Variants in NCAPH observed in about 807,000 individuals in gnomAD.
NCAPH encodes the protein condensin complex subunit 2.
NCAPH carries 38 observed loss-of-function variants against 85.5 expected under a neutral mutation model. That is an observed-to-expected ratio of 0.44 (90% CI 0.34 to 0.58). The LOEUF (loss-of-function observed/expected upper bound fraction) is 0.58, where lower values mean the gene tolerates loss of function less well. Ranked by LOEUF, NCAPH falls within the 20% of genes least tolerant of loss-of-function variation. NCAPH has a pLI of 0.01. For synonymous variants in NCAPH, 301 were observed against 335.1 expected, an observed-to-expected ratio of 0.90 and a Z score of 1.11; for missense variants, 789 against 916.6, an observed-to-expected ratio of 0.86 and a Z score of 1.80.
rs1039937361 is a variant in NCAPH at position 96,359,143 on chromosome 2, T to C, written c.1307T>C (p.Met436Thr). ...GEYSYFSPRT[M>T]SMWAGPDHWR... ...TATTCTTATTTCAGTCCTCGGACCA[T>C]GTCGATGTGGGCTGGCCCGGATCAC... Residue 436 changes from methionine to threonine, a missense_variant, in exon 10 of 18, where the codon ATG becomes ACG. Transcript: ENST00000240423. 5.0e-6 allele frequency: 8 copies of C among 1,614,234 alleles called. No homozygotes were observed. Among genetic ancestry groups the C allele is most frequent in the African/African-American group, 1.3e-5 (1 of 75,044 alleles).
At position 96,343,187 on chromosome 2, in the gene NCAPH, G is replaced by T. The variant is rs1466309018; in HGVS notation, c.478G>T (p.Ala160Ser). 6.2e-7 allele frequency: 1 copy of T among 1,614,018 alleles called. No homozygotes were observed. The highest frequency in any genetic ancestry group is 1.3e-5 in the African/African-American group (1 of 74,896). Residue 160 changes from alanine (A) to serine (S), a missense_variant, in exon 5 of 18, where the codon GCC (alanine) becomes TCC (serine). Transcript: ENST00000240423. ...CTAGGTGGCTGCGGGTACTCTGGAT[G>T]CCAGCACCAAGATCTATGCTGTGCG... The part of the protein sequence containing the change: ...NFKVAAGTLD[A>S]STKIYAVRVD...
In NCAPH at chr2:96,353,319, G is replaced by A. The variant is rs1298766684; in HGVS notation, c.924G>A (p.Gln308=). ...EMTDLKAPLQ[Q]CAEDRQICPS... ...TATCCTCTCCAGCGCCCTTGCAGCAGTGTGCAGAAGATCGCCAGATCTGCC... is the reference window on the plus strand; with the variant it reads ...TATCCTCTCCAGCGCCCTTGCAGCAATGTGCAGAAGATCGCCAGATCTGCC... Residue 308 remains glutamine (Q), a synonymous_variant, in exon 8 of 18, where the codon CAG becomes CAA. Coordinates refer to ENST00000240423, the MANE Select transcript of NCAPH (RefSeq NM_015341.5). The A allele has an allele frequency of 1.9e-6, 3 of 1,614,090 alleles. No homozygotes were observed. The highest frequency in any genetic ancestry group is 1.1e-5 in the South Asian group (1 of 91,088).
In NCAPH at chr2:96,344,191, A is replaced by G. The variant is rs1176495738; in HGVS notation, c.682A>G (p.Asn228Asp). Residue 228 changes from asparagine to aspartate, a missense_variant, in exon 6 of 18, where the codon AAC becomes GAC. Transcript: ENST00000240423. ...HLHRTIEQNI[N>D]NLNVSEADRK... ...ACACAGAACTATTGAGCAGAACATAAACAACCTCAATGTCTCCGAAGCAGA... is the reference window on the plus strand; with the variant it reads ...ACACAGAACTATTGAGCAGAACATAGACAACCTCAATGTCTCCGAAGCAGA... 1.2e-6 allele frequency: 2 copies of G among 1,613,376 alleles called. No individual in the cohort carries two copies. Among genetic ancestry groups the G allele is most frequent in the Non-Finnish European group, 1.7e-6 (2 of 1,179,830 alleles).
At chr2:96,336,480 G>A (rs1349490583) in intron 1 of NCAPH, among the ~76,000 whole-genome samples, 2 of 152,168 alleles carry the variant, frequency 1.3e-5, no homozygotes, top group African/African-American at 4.8e-5. Context: ...CAGGCAGAAG[G>A]AGCAAGTACA....
At chr2:96,351,042 T>C (rs957292579) in intron 6 of NCAPH, among the ~76,000 whole-genome samples, 2 of 152,192 alleles carry the variant, frequency 1.3e-5, no homozygotes, top group African/African-American at 4.8e-5. Context: ...TTAAAACCTC[T>C]CTCAGGTTTC....
In NCAPH at chr2:96,353,333, G is replaced by A. The variant is rs1234067325; in HGVS notation, c.938G>A (p.Arg313His). The A allele has an allele frequency of 3.7e-6, 6 of 1,614,156 alleles. No individual in the cohort carries two copies. The highest frequency in any genetic ancestry group is 2.2e-5 in the East Asian group (1 of 44,886). ...KAPLQQCAED[R>H]QICPSLAGFQ... ...CCCTTGCAGCAGTGTGCAGAAGATC[G>A]CCAGATCTGCCCTTCCCTGGCCGGG... is the stretch of plus-strand genomic sequence containing the variant. The change falls in exon 8 of 18, where the codon CGC becomes CAC. Residue 313 changes from arginine to histidine, a missense_variant. By Grantham distance (29) the Arg-to-His change is conservative (BLOSUM62 0). Coordinates refer to ENST00000240423, the MANE Select transcript of NCAPH (RefSeq NM_015341.5).
At position 96,354,228 on chromosome 2, in the gene NCAPH, T is replaced by C; in HGVS notation, c.1048T>C (p.Phe350Leu). Residue 350 changes from phenylalanine (F) to leucine (L), a missense_variant, in exon 9 of 18, where the codon TTT becomes CTT. By Grantham distance (22) the Phe-to-Leu change is conservative. Coordinates refer to ENST00000240423, the MANE Select transcript of NCAPH (RefSeq NM_015341.5). ...CAAGTTTAAGAAGAATGACCAGGTA[T>C]TTGACATCAATGCTGAAGTTGACGA... ...VDKFKKNDQV[F>L]DINAEVDESD... 1 of 1,614,156 alleles carries C rather than the reference T, an allele frequency of 6.2e-7. No homozygotes were observed. Among genetic ancestry groups the C allele is most frequent in the Non-Finnish European group, 8.5e-7 (1 of 1,180,014 alleles).
intron 10 of NCAPH, among the ~76,000 whole-genome samples, chr2:96,359,885 A>C (rs1290380978): frequency 1.3e-5 from 2 of 152,186 alleles, no homozygotes; most frequent in Admixed American, 6.5e-5. Context: ...AGCCTCCCAA[A>C]GTGTTGGGAT....
rs1453561375 is a variant in NCAPH, at chr2:96,354,078, A to G, written c.1003-105A>G. The G allele has an allele frequency of 6.3e-6, 7 of 1,114,486 alleles. No homozygotes were observed. The Admixed American group carries it at 1.2e-4, about 19-fold the overall frequency. The allele number at this position is 1,114,486 out of a possible 1,614,324, so 69.0% of individuals were successfully genotyped here. The stretch of plus-strand genomic sequence containing the variant: ...AAGGGAAGGGTGGCTCAGGGGAAGG[A>G]GGAGGCTGGAAACTGAAATTTAAGG... On this transcript the variant is annotated intron_variant, in intron 8 of 17. Coordinates refer to ENST00000240423, the MANE Select transcript of NCAPH (RefSeq NM_015341.5).
chr2:96,355,211 A>G (rs1341402650), intron 9 of NCAPH, among the ~76,000 whole-genome samples: 1 of 152,162 alleles, frequency 6.6e-6, no homozygotes, highest in African/African-American at 2.4e-5. Flanking sequence ...TTAATTCTAA[A>G]TATGATTTGG....
At chr2:96,348,525 C>T (rs1265899579) in intron 6 of NCAPH, among the ~76,000 whole-genome samples, 1 of 151,848 alleles carries the variant, frequency 6.6e-6, no homozygotes, top group Admixed American at 6.6e-5. Flanking sequence ...TGATATGCTA[C>T]ACACATCTGA....
chr2:96,358,569 C>T (rs945094780), intron 9 of NCAPH, among the ~76,000 whole-genome samples: 4 of 152,054 alleles, frequency 2.6e-5, no homozygotes, highest in South Asian at 2.1e-4. Flanking sequence ...CCTGGGTTCA[C>T]GCCATTCTCC....
intron 1 of NCAPH, among the ~76,000 whole-genome samples, chr2:96,338,804 T>TTTTTTG (rs1055977683): frequency 6.6e-6 from 1 of 152,072 alleles, no homozygotes; most frequent in Non-Finnish European, 1.5e-5. Flanking sequence ...GTGTGGGGGT[T>TTTTTTG]TTTTTGTTTT....
chr2:96,339,607 AAAGAG>A lies in NCAPH; in HGVS notation c.20-2031_20-2027del, dbSNP rs1421621173. On this transcript the variant is annotated intron_variant, in intron 1 of 17. Transcript: ENST00000240423. The stretch of plus-strand genomic sequence containing the variant: ...CTCTGTCTCAAAAAAAAAAAAAAAA[AAAGAG>A]AAGTCCTTGAACACCTTGTCATCGT... 3.9e-5 allele frequency among the ~76,000 whole-genome samples: 6 copies of A among 151,912 alleles called. No homozygotes were observed. The East Asian group carries it at 9.7e-4, about 25-fold the overall frequency.
intron 12 of NCAPH, among the ~76,000 whole-genome samples, chr2:96,361,040 CTTTTTTTT>C (rs760283642): frequency 5.8e-5 from 5 of 86,750 alleles, no homozygotes; most frequent in Admixed American, 1.5e-4. Context: ...TTGCTTTCTC[CTTTTTTTT>C]TTTTTTTTTT....
intron 9 of NCAPH, among the ~76,000 whole-genome samples, chr2:96,354,825 C>A (rs768514720): frequency 3.3e-5 from 5 of 152,156 alleles, no homozygotes; most frequent in Admixed American, 6.6e-5. Context: ...AGGATTAGAA[C>A]AATGTAAAGC....
At position 96,354,296 on chromosome 2, in the gene NCAPH, C is replaced by G. The variant is rs2064491436; in HGVS notation, c.1116C>G (p.Asp372Glu). Residue 372 changes from aspartate (D) to glutamate (E), a missense_variant, in exon 9 of 18, where the codon GAC becomes GAG. Transcript: ENST00000240423. Reference protein sequence around the residue: ...GDFPDGSLGDDFDANDEPDHT... With the variant: ...GDFPDGSLGDEFDANDEPDHT... ...TCCCCGATGGGTCCCTGGGGGATGA[C>G]TTTGATGCCAACGATGAACCTGACC... The G allele has an allele frequency of 6.2e-7, 1 of 1,614,068 alleles. No homozygotes were observed. Among genetic ancestry groups the G allele is most frequent in the Middle Eastern group, 1.6e-4 (1 of 6,062 alleles).
chr2:96,336,146 C>G (rs2064211195), intron 1 of NCAPH, among the ~76,000 whole-genome samples: 2 of 152,152 alleles, frequency 1.3e-5, no homozygotes, highest in Non-Finnish European at 2.9e-5. Flanking sequence ...TCCTTGGGCT[C>G]CTAAAGCGTG....
Position 96,341,721 on chromosome 2 carries a change from G to A in NCAPH, c.99G>A (p.Val33=), listed in dbSNP as rs561015827. Reference sequence around the variant, plus strand: ...GTGCCTCCTCTCCTTCAGAGCGTGTGTTCCCGATGCCCCTGCCCAGGAAGG... The same window carrying A: ...GTGCCTCCTCTCCTTCAGAGCGTGTATTCCCGATGCCCCTGCCCAGGAAGG... ...PHSASSPSER[V]FPMPLPRKAP... is the part of the protein sequence containing the mutation. The change falls in exon 2 of 18, where the codon GTG becomes GTA. Residue 33 remains valine (V), a synonymous_variant. Coordinates refer to ENST00000240423, the MANE Select transcript of NCAPH (RefSeq NM_015341.5). 5.6e-6 allele frequency: 9 copies of A among 1,614,226 alleles called. No homozygotes were observed. The South Asian group carries it at 6.6e-5, about 12-fold the overall frequency.
Sources: allele counts gnomAD v4.1 joint callset (sites outside exome capture counted in the v4.1 genomes callset), GRCh38; gene constraint gnomAD v4.1.1; transcripts MANE v1.5; gene names NCBI Gene and HGNC (gene_info 2026-07-23, HGNC 2026-07-21).